The following EMD variants were observed in gnomAD, a reference collection of about 807,000 sequenced individuals.
The protein encoded by EMD is LEM domain containing 5.
Under a neutral mutation model 15.2 loss-of-function variants are expected in EMD, and 2 were observed. The ratio of observed to expected loss-of-function variants is 0.13; its 90% CI spans 0.05 to 0.41. The LOEUF is 0.41. Among genes scored for constraint, EMD ranks in the 10% least tolerant of loss-of-function variants. EMD has a pLI of 0.99. For missense variants in EMD, 224 were observed against 213.4 expected (o/e 1.05, Z -0.31); for synonymous variants, 122 against 86.2 (o/e 1.42, Z -2.30).
At position 154,380,819 on chromosome X, in the gene EMD, C is replaced by T; in HGVS notation, c.449+17C>T. On this transcript the variant is annotated intron_variant, in intron 5 of 5. Coordinates refer to ENST00000369842, the MANE Select transcript of EMD (RefSeq NM_000117.3). ...CAAGGATAGGTGCGTAGTGGGGGAG[C>T]CCAGGGACGGGCTGGTTCTGGGTCC... 8.3e-7 allele frequency: 1 copy of T among 1,211,828 alleles called. No homozygotes were observed.
At chrX:154,380,473 C>T (rs1407624547) in intron 4 of EMD, 106 bp downstream of exon 4, 2 of 1,133,412 alleles carry the variant, frequency 1.8e-6, no homozygotes, top group African/African-American at 1.8e-5. Context: ...GCTCTTGGGC[C>T]TCCGGGGAGA....
intron 3 of EMD, 60 bp downstream of exon 3, chrX:154,380,079 C>T (rs1174157353): frequency 1.7e-6 from 2 of 1,190,010 alleles, no homozygotes; most frequent in Non-Finnish European, 2.3e-6. Context: ...AGGGACCCCG[C>T]TCACAGGGAG....
At chrX:154,380,602 G>A in intron 4 of EMD, 151 bp from the exon 5 acceptor site, 1 of 883,244 alleles carries the variant, frequency 1.1e-6, no homozygotes, top group African/African-American at 2.0e-5. Flanking sequence ...TGGATAAAGG[G>A]CTGAACACCC....
chrX:154,380,695 A>G (rs1035083457), intron 4 of EMD, 58 bp from the exon 5 acceptor site: 241 of 1,198,240 alleles, frequency 2.0e-4, no homozygotes, highest in Non-Finnish European at 2.4e-4. Flanking sequence ...ACTGAGGGAC[A>G]TGACAGGGCC....
At chrX:154,379,628 C>T in intron 1 of EMD, 62 bp downstream of exon 1, 1 of 1,197,859 alleles carries the variant, frequency 8.3e-7, no homozygotes, top group Non-Finnish European at 1.1e-6. Flanking sequence ...TCGCGACCTC[C>T]CCGCTGCCCT....
chrX:154,379,553 C>A lies in EMD; in HGVS notation c.69C>A (p.His23Gln). The A allele has an allele frequency of 8.5e-7, 1 of 1,170,356 alleles. No individual in the cohort carries two copies. Among genetic ancestry groups the A allele is most frequent in the Non-Finnish European group, 1.1e-6 (1 of 874,271 alleles). ...TGCTGCGCCGGTACAACATCCCGCA[C>A]GGGCCTGTAGTAGGTACGCGGCGGC... is the stretch of plus-strand genomic sequence containing the variant. The part of the protein sequence containing the change: ...TTLLRRYNIP[H>Q]GPVVGSTRRL... The change falls in exon 1 of 6, where the codon CAC becomes CAA. Residue 23 changes from histidine (H) to glutamine (Q), a missense_variant. By Grantham distance (24) the His-to-Gln change is conservative. Coordinates refer to ENST00000369842, the MANE Select transcript of EMD (RefSeq NM_000117.3).
Position 154,380,283 on chromosome X carries a change from T to C in EMD, c.315T>C (p.Tyr105=), listed in dbSNP as rs1342409944. 3.3e-6 allele frequency: 4 copies of C among 1,210,114 alleles called. No homozygotes were observed. Among genetic ancestry groups the C allele is most frequent in the Non-Finnish European group, 4.5e-6 (4 of 895,337 alleles). Reference sequence around the variant, plus strand: ...AGAGCTACTTCACCACCAGGACTTATGGGGAGCCCGAGTCTGCCGGCCCGT... The same window carrying C: ...AGAGCTACTTCACCACCAGGACTTACGGGGAGCCCGAGTCTGCCGGCCCGT... The part of the protein sequence containing the change: ...YEESYFTTRT[Y]GEPESAGPSR... The change falls in exon 4 of 6, where the codon TAT becomes TAC. Residue 105 remains tyrosine (Y), a synonymous_variant. Transcript: ENST00000369842.
rs1422834817 is a variant in EMD, at chrX:154,380,937, CCT to C, written c.506_507del (p.Pro169ArgfsTer40). ...CTACCAGAGCATCACGCACTACCGC[CCT>C]GTTTCAGCCTCCAGGAGCTCCCTGG... ...SAYQSITHYRPVSASRSSLDL... is the reference protein window; with the variant it reads ...SAYQSITHYRXVSASRSSLDL... On this transcript the variant is annotated frameshift_variant, in exon 6 of 6. Coordinates refer to ENST00000369842, the MANE Select transcript of EMD (RefSeq NM_000117.3). LOFTEE classifies it low-confidence loss of function (END_TRUNC). The C allele has an allele frequency of 1.7e-6, 2 of 1,209,797 alleles. No individual in the cohort carries two copies. Among genetic ancestry groups the C allele is most frequent in the African/African-American group, 1.8e-5 (1 of 57,137 alleles).
At position 154,381,262 on chromosome X, in the gene EMD, G is replaced by A; in HGVS notation, c.*65G>A. 1.0e-6 allele frequency: 1 copy of A among 977,626 alleles called. No individual in the cohort carries two copies. The highest frequency in any genetic ancestry group is 3.6e-5 in the East Asian group (1 of 27,904). The allele number at this position is 977,626 out of a possible 1,213,427, so 80.6% of individuals were successfully genotyped here. On this transcript the variant is annotated 3_prime_UTR_variant, in exon 6 of 6. Transcript: ENST00000369842. ...GGGGAAGTCCTGGCTGACTGCCTTA[G>A]CAGTGGGGGTGGGGGTGGGGGCAGG...
intron 3 of EMD, 56 bp from the exon 4 acceptor site, chrX:154,380,178 C>T (rs2067878640): frequency 8.3e-7 from 1 of 1,209,314 alleles, no homozygotes; most frequent in Non-Finnish European, 1.1e-6. Flanking sequence ...TTAGGGCCAT[C>T]AGGCCAGGCG....
intron 4 of EMD, 125 bp downstream of exon 4, chrX:154,380,492 G>A: frequency 9.4e-7 from 1 of 1,061,505 alleles, no homozygotes; most frequent in Admixed American, 2.4e-5. Flanking sequence ...GACTCTGTGT[G>A]ACTAGAGCAC....
rs369643214 is a variant in EMD, at chrX:154,379,842, G to T, written c.187+48G>T. The T allele has an allele frequency of 6.8e-6, 8 of 1,177,538 alleles. No homozygotes were observed. In the African/African-American group the frequency reaches 1.4e-4, roughly 21 times the overall value. On this transcript the variant is annotated intron_variant, in intron 2 of 5. Coordinates refer to ENST00000369842, the MANE Select transcript of EMD (RefSeq NM_000117.3). ...CAGCCTGGGACGCGGGGAGGATGGG[G>T]TCGCGAGGGTGTGGCAGGGGGGCCG...
At position 154,379,534 on chromosome X, in the gene EMD, G is replaced by A. The variant is rs2067873334; in HGVS notation, c.50G>A (p.Arg17His). The A allele has an allele frequency of 8.5e-7, 1 of 1,170,611 alleles. No individual in the cohort carries two copies. Among genetic ancestry groups the A allele is most frequent in the African/African-American group, 1.8e-5 (1 of 56,652 alleles). Residue 17 changes from arginine to histidine, a missense_variant, in exon 1 of 6, where the codon CGC becomes CAC. Transcript: ENST00000369842. Reference protein sequence around the residue: ...LSDTELTTLLRRYNIPHGPVV... With the variant: ...LSDTELTTLLHRYNIPHGPVV... The stretch of plus-strand genomic sequence containing the variant: ...GATACCGAGCTGACCACCTTGCTGC[G>A]CCGGTACAACATCCCGCACGGGCCT...
At position 154,380,261 on chromosome X, in the gene EMD, G is replaced by A. The variant is rs782718075; in HGVS notation, c.293G>A (p.Ser98Asn). The A allele has an allele frequency of 2.5e-6, 3 of 1,211,487 alleles. No homozygotes were observed. Among genetic ancestry groups the A allele is most frequent in the Non-Finnish European group, 2.2e-6 (2 of 895,631 alleles). Residue 98 changes from serine to asparagine, a missense_variant, in exon 4 of 6, where the codon AGC (serine) becomes AAC (asparagine). Transcript: ENST00000369842. ...KGYNDDYYEE[S>N]YFTTRTYGEP... ...TACAATGACGACTACTATGAAGAGA[G>A]CTACTTCACCACCAGGACTTATGGG...
At chrX:154,380,617 C>A in intron 4 of EMD, 136 bp from the exon 5 acceptor site, 1 of 931,256 alleles carries the variant, frequency 1.1e-6, no homozygotes, top group Non-Finnish European at 1.5e-6. Context: ...ACACCCAGAG[C>A]CATTCAGGAG....
chrX:154,381,272 T>A lies in EMD; in HGVS notation c.*75T>A. 2.6e-5 allele frequency: 1 copy of A among 38,381 alleles called. No individual in the cohort carries two copies. 3.2% of individuals were successfully genotyped at this position (38,381 alleles called of 1,213,427 possible). A position where few individuals can be genotyped will look rare whatever the true frequency, so the allele number is the denominator to read the frequency against. Reference sequence around the variant, plus strand: ...TGGCTGACTGCCTTAGCAGTGGGGGTGGGGGTGGGGGCAGGGGCAGGGGCT... The same window carrying A: ...TGGCTGACTGCCTTAGCAGTGGGGGAGGGGGTGGGGGCAGGGGCAGGGGCT... On this transcript the variant is annotated 3_prime_UTR_variant, in exon 6 of 6. Coordinates refer to ENST00000369842, the MANE Select transcript of EMD (RefSeq NM_000117.3).
chrX:154,381,275 G>A lies in EMD; in HGVS notation c.*78G>A. On this transcript the variant is annotated 3_prime_UTR_variant, in exon 6 of 6. Coordinates refer to ENST00000369842, the MANE Select transcript of EMD (RefSeq NM_000117.3). ...CTGACTGCCTTAGCAGTGGGGGTGG[G>A]GGTGGGGGCAGGGGCAGGGGCTTTA... 1.1e-6 allele frequency: 1 copy of A among 943,488 alleles called. No homozygotes were observed. The highest frequency in any genetic ancestry group is 1.4e-6 in the Non-Finnish European group (1 of 699,175). 77.8% of individuals were successfully genotyped at this position (943,488 alleles called of 1,213,427 possible).
Position 154,380,927 on chromosome X carries a change from G to C in EMD, c.495G>C (p.Thr165=). ...YGRDSAYQSI[T]HYRPVSASRS... ...GGGACAGTGCCTACCAGAGCATCACGCACTACCGCCCTGTTTCAGCCTCCA... is the reference window on the plus strand; with the variant it reads ...GGGACAGTGCCTACCAGAGCATCACCCACTACCGCCCTGTTTCAGCCTCCA... Residue 165 remains threonine, a synonymous_variant, in exon 6 of 6, where the codon ACG becomes ACC. Coordinates refer to ENST00000369842, the MANE Select transcript of EMD (RefSeq NM_000117.3). 8.3e-7 allele frequency: 1 copy of C among 1,211,419 alleles called. No homozygotes were observed.
chrX:154,381,339 T>G lies in EMD; in HGVS notation c.*142T>G. On this transcript the variant is annotated 3_prime_UTR_variant, in exon 6 of 6. Coordinates refer to ENST00000369842, the MANE Select transcript of EMD (RefSeq NM_000117.3). ...GGGGGGCGCTGGGCCTAGCCCAGAG[T>G]AGTGCTTGCTCCCCCTGCCTTGTCC... is the stretch of plus-strand genomic sequence containing the variant. The G allele has an allele frequency of 2.6e-6, 2 of 773,696 alleles. No homozygotes were observed. Among genetic ancestry groups the G allele is most frequent in the Non-Finnish European group, 3.6e-6 (2 of 550,190 alleles). The allele number at this position is 773,696 out of a possible 1,213,427, so 63.8% of individuals were successfully genotyped here.
Sources: gnomAD v4.1 joint callset for allele counts on GRCh38, gnomAD v4.1.1 for gene constraint, MANE v1.5 for transcripts, NCBI Gene and HGNC (gene_info 2026-07-23, HGNC 2026-07-21) for gene names.